SDK1: variants seen among roughly 807,000 people sequenced by gnomAD.
SDK1 encodes sidekick cell adhesion molecule 1.
A neutral mutation model predicts 245.5 loss-of-function variants in SDK1; 157 were observed. That is an observed-to-expected ratio of 0.64 (90% confidence interval 0.56 to 0.73). The LOEUF (loss-of-function observed/expected upper bound fraction) is 0.73, where lower values mean the gene tolerates loss of function less well. Ranked by LOEUF, SDK1 falls within the 30% of genes least tolerant of loss-of-function variation. The pLI is 0.00. For missense variants in SDK1, 3,583 were observed against 3,002.3 expected (o/e 1.19, Z -4.52); for synonymous variants, 1,647 against 1,278.5 (o/e 1.29, Z -6.15).
intron 28 of SDK1, among the ~76,000 whole-genome samples, chr7:4,133,070 A>C (rs1274077962): frequency 1.3e-5 from 2 of 152,240 alleles, no homozygotes; most frequent in African/African-American, 4.8e-5. Flanking sequence ...TTTTTCAGAG[A>C]AGATGCAGAC....
At chr7:4,215,408 G>C (rs1435030726) in intron 38 of SDK1, among the ~76,000 whole-genome samples, 1 of 152,252 alleles carries the variant, frequency 6.6e-6, no homozygotes, top group Non-Finnish European at 1.5e-5. Context: ...CGGGACAATA[G>C]CTGTCATGAG....
chr7:3,973,667 C>G (rs1322431463), intron 12 of SDK1, among the ~76,000 whole-genome samples: 1 of 151,872 alleles, frequency 6.6e-6, no homozygotes, highest in Admixed American at 6.6e-5. Context: ...CCTCCAGGAG[C>G]ATTTACCGGG....
chr7:4,133,165 C>T (rs987022463), intron 28 of SDK1, among the ~76,000 whole-genome samples: 1 of 152,222 alleles, frequency 6.6e-6, no homozygotes, highest in South Asian at 2.1e-4. Context: ...TGAGATGAAG[C>T]GCATGCCCTG....
chr7:3,587,909 T>C (rs557975583), intron 1 of SDK1, among the ~76,000 whole-genome samples: 118 of 152,366 alleles, frequency 7.7e-4, no homozygotes, highest in African/African-American at 2.6e-3. Flanking sequence ...GCCTTCCATG[T>C]ACTAAATGTT....
rs1779265973 is a variant in SDK1 at position 3,301,723 on chromosome 7, C to T, written c.137C>T (p.Pro46Leu). ...ARPSLAPRPG[P>L]EPSRPRAAPE... The stretch of plus-strand genomic sequence containing the variant: ...CCCTCGCTGGCGCCGCGCCCCGGCC[C>T]GGAGCCCTCGCGACCCCGGGCGGCG... Residue 46 changes from proline to leucine, a missense_variant, in exon 1 of 45, where the codon CCG becomes CTG. Transcript: ENST00000404826. 1.5e-5 allele frequency: 15 copies of T among 976,828 alleles called. No homozygotes were observed. Among genetic ancestry groups the T allele is most frequent in the Non-Finnish European group, 1.8e-5 (15 of 825,860 alleles). 60.5% of individuals were successfully genotyped at this position (976,828 alleles called of 1,614,324 possible). A position where few individuals can be genotyped will look rare whatever the true frequency, so the allele number is the denominator to read the frequency against.
At chr7:3,973,217 A>C (rs1253420313) in intron 12 of SDK1, among the ~76,000 whole-genome samples, 1 of 152,186 alleles carries the variant, frequency 6.6e-6, no homozygotes, top group Admixed American at 6.5e-5. Context: ...CGGCGTGAGC[A>C]GTCTATCCAT....
At chr7:4,072,449 T>C (rs909365026) in intron 20 of SDK1, among the ~76,000 whole-genome samples, 4 of 152,172 alleles carry the variant, frequency 2.6e-5, no homozygotes, top group African/African-American at 9.7e-5. Context: ...GATCGGATGT[T>C]ATCACCTTAC....
At chr7:3,999,249 A>G (rs984140220) in intron 14 of SDK1, among the ~76,000 whole-genome samples, 1 of 152,146 alleles carries the variant, frequency 6.6e-6, no homozygotes, top group African/African-American at 2.4e-5. Flanking sequence ...TCCCTTGGGT[A>G]CAGAGCACAG....
chr7:3,415,461 A>G (rs886125621), intron 1 of SDK1, among the ~76,000 whole-genome samples: 1 of 152,146 alleles, frequency 6.6e-6, no homozygotes, highest in Admixed American at 6.5e-5. Context: ...AAGTAGATTA[A>G]AAAACAACGG....
rs57101873 is a variant in SDK1, at chr7:4,079,630, G to T, written c.3324+46G>T. 8.0e-3 allele frequency: 12,896 copies of T among 1,607,908 alleles called. 852 individuals are homozygous for T. The African/African-American group carries it at 0.15, about 18-fold the overall frequency. On this transcript the variant is annotated intron_variant, in intron 22 of 44. Transcript: ENST00000404826. ...GGAGCTGGCATTTGCGAAGAGCAGT[G>T]TTGGGGCCTGTGAATGAGTGGTACC... is the stretch of plus-strand genomic sequence containing the variant.
chr7:3,965,551 C>T (rs1463937766), intron 9 of SDK1, among the ~76,000 whole-genome samples: 1 of 152,112 alleles, frequency 6.6e-6, no homozygotes, highest in Non-Finnish European at 1.5e-5. Flanking sequence ...TTTAAAAAAT[C>T]GATATTGATT....
At chr7:3,311,290 C>T (rs932031384) in intron 1 of SDK1, among the ~76,000 whole-genome samples, 1 of 152,040 alleles carries the variant, frequency 6.6e-6, no homozygotes, top group Non-Finnish European at 1.5e-5. Context: ...ATGGAATGGT[C>T]AGTCTTGCTT....
rs148602127 is a variant in SDK1 at position 3,778,123 on chromosome 7, C to T, written c.714-43327C>T. Among the ~76,000 whole-genome samples the T allele has an allele frequency of 2.8e-3, 433 of 152,276 alleles. 4 individuals carry two copies. The highest frequency in any genetic ancestry group is 0.01 in the African/African-American group (425 of 41,564). On this transcript the variant is annotated intron_variant, in intron 4 of 44. Coordinates refer to ENST00000404826, the MANE Select transcript of SDK1 (RefSeq NM_152744.4). The stretch of plus-strand genomic sequence containing the variant: ...AAGTAGAGCAATGCATTTCCCATGC[C>T]GTCGTGTCTCCCATCTTGTAGCAAC...
chr7:3,678,608 A>C (rs1016039205), intron 4 of SDK1, among the ~76,000 whole-genome samples: 5 of 152,228 alleles, frequency 3.3e-5, no homozygotes, highest in Non-Finnish European at 2.9e-5. Context: ...GTAGAATAGA[A>C]GTCATCATGG....
intron 44 of SDK1, among the ~76,000 whole-genome samples, chr7:4,256,765 A>AG (rs1787657324): frequency 6.6e-6 from 1 of 152,336 alleles, no homozygotes; most frequent in South Asian, 2.1e-4. Flanking sequence ...TCCAGGGCCC[A>AG]GGGGATAAGG....
intron 28 of SDK1, among the ~76,000 whole-genome samples, chr7:4,137,800 C>G (rs896175598): frequency 6.6e-6 from 1 of 152,238 alleles, no homozygotes; most frequent in Non-Finnish European, 1.5e-5. Flanking sequence ...TGTTTCTGAT[C>G]TCGCTGTAAC....
At chr7:3,359,412 A>T (rs1226151479) in intron 1 of SDK1, among the ~76,000 whole-genome samples, 1 of 152,302 alleles carries the variant, frequency 6.6e-6, no homozygotes, top group Middle Eastern at 3.4e-3. Flanking sequence ...AGAATTGAGA[A>T]ATATGGCCAA....
At chr7:3,741,725 T>A (rs1008550233) in intron 4 of SDK1, among the ~76,000 whole-genome samples, 1 of 152,132 alleles carries the variant, frequency 6.6e-6, no homozygotes, top group Admixed American at 6.6e-5. Flanking sequence ...CAGGAACTAT[T>A]GGGATGGACG....
intron 1 of SDK1, among the ~76,000 whole-genome samples, chr7:3,395,236 A>G (rs931031377): frequency 6.6e-6 from 1 of 151,846 alleles, no homozygotes; most frequent in African/African-American, 2.4e-5. Flanking sequence ...TGAGATGTTC[A>G]TTTGGTTTTT....
Sources: gnomAD v4.1 joint callset for allele counts (sites outside exome capture counted in the v4.1 genomes callset) on GRCh38, gnomAD v4.1.1 for gene constraint, MANE v1.5 for transcripts, NCBI Gene and HGNC (gene_info 2026-07-23, HGNC 2026-07-21) for gene names.